The following SLC35F2 variants were observed in gnomAD, a reference collection of about 807,000 sequenced individuals.
SLC35F2 encodes queuine/queuosine transporter SLC35F2.
A neutral mutation model predicts 38.1 loss-of-function variants in SLC35F2; 25 were observed. The observed-to-expected ratio is 0.66, with a 90% CI of 0.48 to 0.92. The LOEUF (loss-of-function observed/expected upper bound fraction) is 0.92. SLC35F2 is among the 40% of genes least tolerant of loss of function. The pLI is 0.00. For synonymous variants in SLC35F2, 173 were observed against 181.7 expected, an observed-to-expected ratio of 0.95 and a Z score of 0.38; for missense variants, 409 against 452.9, an observed-to-expected ratio of 0.90 and a Z score of 0.88.
At chr11:107,811,179 A>G in intron 3 of SLC35F2, 1 of 984,934 alleles carries the variant, frequency 1.0e-6, no homozygotes, top group Non-Finnish European at 1.2e-6. Context: ...TTTTTCTTTC[A>G]ATGCAGCAAG....
intron 1 of SLC35F2, among the ~76,000 whole-genome samples, chr11:107,817,142 G>A (rs1432161031): frequency 6.6e-6 from 1 of 152,068 alleles, no homozygotes; most frequent in African/African-American, 2.4e-5. Context: ...GGGGTGTGGT[G>A]GCAGGCGCCT....
intron 1 of SLC35F2, among the ~76,000 whole-genome samples, chr11:107,847,401 C>T (rs1860116936): frequency 1.3e-5 from 2 of 152,154 alleles, no homozygotes; most frequent in South Asian, 4.1e-4. Context: ...CAAGCAATTT[C>T]CTGGGGAGGC....
At chr11:107,854,636 T>C (rs758360952) in intron 1 of SLC35F2, among the ~76,000 whole-genome samples, 9 of 152,144 alleles carry the variant, frequency 5.9e-5, no homozygotes, top group Non-Finnish European at 8.8e-5. Context: ...CAATAAACTT[T>C]TATTGAATGA....
At chr11:107,845,879 G>A (rs1019790426) in intron 1 of SLC35F2, among the ~76,000 whole-genome samples, 2 of 151,860 alleles carry the variant, frequency 1.3e-5, no homozygotes, top group African/African-American at 4.8e-5. Context: ...CTTGAACCCA[G>A]GAGGCAGAGG....
chr11:107,843,509 C>T lies in SLC35F2; in HGVS notation c.110+15149G>A, dbSNP rs12275764. Among the ~76,000 whole-genome samples the T allele has an allele frequency of 7.7e-3, 1,159 of 149,616 alleles. 14 individuals are homozygous for T. Among genetic ancestry groups the T allele is most frequent in the African/African-American group, 0.027 (1,093 of 40,600 alleles). ...AGATTACAGTGAGCCAAGATCGCACCATTGCACTCCAGCCTGGGCAACAAA... is the reference window on the plus strand; with the variant it reads ...AGATTACAGTGAGCCAAGATCGCACTATTGCACTCCAGCCTGGGCAACAAA... On this transcript the variant is annotated intron_variant, in intron 1 of 7. Coordinates refer to ENST00000525815, the MANE Select transcript of SLC35F2 (RefSeq NM_017515.5).
At chr11:107,811,862 TA>T (rs1859486303) in intron 2 of SLC35F2, 68 bp from the exon 3 acceptor site, 4 of 1,390,324 alleles carry the variant, frequency 2.9e-6, no homozygotes, top group Admixed American at 2.1e-5. Flanking sequence ...GATTTGAAGA[TA>T]AAAGAGTAGA....
rs1859456683 is a variant in SLC35F2, at chr11:107,809,915, G to A, written c.414+1752C>T. 1.4e-5 allele frequency: 14 copies of A among 985,298 alleles called. No individual in the cohort carries two copies. The South Asian group carries it at 5.6e-4, about 40-fold the overall frequency. 61.0% of individuals were successfully genotyped at this position (985,298 alleles called of 1,614,324 possible). ...ACAGGGGAGAAGGAGCAGGCCATGAGTGGGAAATGGGTTGATGTGGCAGTA... is the reference window on the plus strand; with the variant it reads ...ACAGGGGAGAAGGAGCAGGCCATGAATGGGAAATGGGTTGATGTGGCAGTA... On this transcript the variant is annotated intron_variant, in intron 3 of 7. Coordinates refer to ENST00000525815, the MANE Select transcript of SLC35F2 (RefSeq NM_017515.5).
chr11:107,816,307 G>T, intron 1 of SLC35F2: 1 of 982,992 alleles, frequency 1.0e-6, no homozygotes, highest in South Asian at 4.7e-5. Context: ...TTTGAGACAG[G>T]GTCTTGTTCT....
chr11:107,811,737 C>G lies in SLC35F2; in HGVS notation c.344G>C (p.Gly115Ala). 6.2e-7 allele frequency: 1 copy of G among 1,613,162 alleles called. No individual in the cohort carries two copies. Among genetic ancestry groups the G allele is most frequent in the African/African-American group, 1.3e-5 (1 of 75,006 alleles). The change falls in exon 3 of 8, where the codon GGA becomes GCA. Residue 115 changes from glycine to alanine, a missense_variant. Transcript: ENST00000525815. ...ATAATTAGCTTCCACATCTGCTAGT[C>G]CCAGCAGGATGTACTTCCACCATTT... The part of the protein sequence containing the change: ...KRKWWKYILL[G>A]LADVEANYVI...
In SLC35F2 at chr11:107,833,455, G is replaced by A. The variant is rs536863802; in HGVS notation, c.111-17490C>T. 2.7e-5 allele frequency among the ~76,000 whole-genome samples: 4 copies of A among 148,010 alleles called. No individual in the cohort carries two copies. In the East Asian group the frequency reaches 8.0e-4, roughly 30 times the overall value. ...AATAGCTTGAACCTGGGAGGCAGAG[G>A]TTGCCGTGAACCAAGATCACACCAC... On this transcript the variant is annotated intron_variant, in intron 1 of 7. Transcript: ENST00000525815.
Position 107,858,697 on chromosome 11 carries a change from G to C in SLC35F2, c.71C>G (p.Ser24Cys). The change falls in exon 1 of 8, where the codon TCC becomes TGC. Residue 24 changes from serine (S) to cysteine (C), a missense_variant. Ser to Cys is a moderately radical substitution (Grantham distance 112). Coordinates refer to ENST00000525815, the MANE Select transcript of SLC35F2 (RefSeq NM_017515.5). ...GCCTTTTATCCTGCGCAGCAGGCTGGAGAACTCGGCCGCCGCTCCCTCCGC... is the reference window on the plus strand; with the variant it reads ...GCCTTTTATCCTGCGCAGCAGGCTGCAGAACTCGGCCGCCGCTCCCTCCGC... ...PLAEGAAAEF[S>C]SLLRRIKGKL... 7.7e-7 allele frequency: 1 copy of C among 1,301,822 alleles called. No individual in the cohort carries two copies. Among genetic ancestry groups the C allele is most frequent in the Non-Finnish European group, 9.8e-7 (1 of 1,017,160 alleles). The allele number at this position is 1,301,822 out of a possible 1,614,324, so 80.6% of individuals were successfully genotyped here.
intron 2 of SLC35F2, 94 bp from the exon 3 acceptor site, chr11:107,811,888 GTTTTT>G: frequency 8.5e-7 from 1 of 1,177,340 alleles, no homozygotes; most frequent in Non-Finnish European, 1.2e-6. Context: ...AGAGTTTCTT[GTTTTT>G]TTTTCTTTTT....
At chr11:107,844,732 T>C (rs1860076300) in intron 1 of SLC35F2, among the ~76,000 whole-genome samples, 3 of 151,896 alleles carry the variant, frequency 2.0e-5, no homozygotes, top group South Asian at 2.1e-4. Flanking sequence ...CCCAGCACTT[T>C]GGGAGGCCAA....
intron 1 of SLC35F2, among the ~76,000 whole-genome samples, chr11:107,852,209 G>A (rs760427991): frequency 1.3e-5 from 2 of 151,880 alleles, no homozygotes; most frequent in Non-Finnish European, 2.9e-5. Flanking sequence ...CTTGAGGCCA[G>A]GAGTTCAAGA....
At chr11:107,838,796 T>C (rs956849704) in intron 1 of SLC35F2, among the ~76,000 whole-genome samples, 18 of 151,462 alleles carry the variant, frequency 1.2e-4, no homozygotes, top group Non-Finnish European at 2.7e-4. Flanking sequence ...GCCTGGCTTA[T>C]TTTCATATTT....
chr11:107,792,608 T>C lies in SLC35F2; in HGVS notation c.*7A>G. On this transcript the variant is annotated 3_prime_UTR_variant, in exon 8 of 8. Coordinates refer to ENST00000525815, the MANE Select transcript of SLC35F2 (RefSeq NM_017515.5). ...CTGGTGGGGGATGGGTGCGCCATCT[T>C]CTCCAGCTACAAGACAGCAGAGTGG... 1.2e-6 allele frequency: 2 copies of C among 1,602,222 alleles called. No individual in the cohort carries two copies. Among genetic ancestry groups the C allele is most frequent in the Non-Finnish European group, 8.5e-7 (1 of 1,175,194 alleles).
rs911632766 is a variant in SLC35F2 at position 107,811,064 on chromosome 11, G to A, written c.414+603C>T. Reference sequence around the variant, plus strand: ...TATAAAACATTTTGTAGTCAGTAATGGTGAGTCAGTGTTAGGAAACATCCC... The same window carrying A: ...TATAAAACATTTTGTAGTCAGTAATAGTGAGTCAGTGTTAGGAAACATCCC... On this transcript the variant is annotated intron_variant, in intron 3 of 7. Coordinates refer to ENST00000525815, the MANE Select transcript of SLC35F2 (RefSeq NM_017515.5). 13 of 984,606 alleles carry A rather than the reference G, an allele frequency of 1.3e-5. No individual in the cohort carries two copies. The African/African-American group carries it at 2.3e-4, about 17-fold the overall frequency. The allele number at this position is 984,606 out of a possible 1,614,324, so 61.0% of individuals were successfully genotyped here.
Position 107,811,751 on chromosome 11 carries a change from C to T in SLC35F2, c.330G>A (p.Lys110=), listed in dbSNP as rs1859483686. ...CATCTGCTAGTCCCAGCAGGATGTA[C>T]TTCCACCATTTTCTTTTCAAGATTA... ...LLVILKRKWW[K]YILLGLADVE... Residue 110 remains lysine (K), a synonymous_variant, in exon 3 of 8, where the codon AAG becomes AAA. Transcript: ENST00000525815. 4 of 1,613,776 alleles carry T rather than the reference C, an allele frequency of 2.5e-6. No homozygotes were observed. The highest frequency in any genetic ancestry group is 3.4e-6 in the Non-Finnish European group (4 of 1,179,788).
At chr11:107,855,554 A>T (rs933324482) in intron 1 of SLC35F2, among the ~76,000 whole-genome samples, 4 of 152,116 alleles carry the variant, frequency 2.6e-5, no homozygotes, top group African/African-American at 9.6e-5. Flanking sequence ...TGGCAGGCTG[A>T]GGTAGAAGAA....
Sources: gnomAD v4.1 joint callset for allele counts (sites outside exome capture counted in the v4.1 genomes callset) on GRCh38, gnomAD v4.1.1 for gene constraint, MANE v1.5 for transcripts, NCBI Gene and HGNC (gene_info 2026-07-23, HGNC 2026-07-21) for gene names.